EYS: variants seen among roughly 807,000 people sequenced by gnomAD.
The protein encoded by EYS is EGF-like photoreceptor maintenance factor, also known as protein eyes shut homolog.
Under a neutral mutation model 282.1 loss-of-function variants are expected in EYS, and 250 were observed. The ratio of observed to expected loss-of-function variants is 0.89; its 90% CI spans 0.80 to 0.98. The LOEUF (loss-of-function observed/expected upper bound fraction) is 0.98, where lower values mean the gene tolerates loss of function less well. Ranked by LOEUF, EYS falls within the 50% of genes least tolerant of loss-of-function variation. EYS has a pLI of 0.00. For missense variants in EYS, 4,016 were observed against 3,709.0 expected (o/e 1.08, Z -2.15); for synonymous variants, 1,355 against 1,282.9 (o/e 1.06, Z -1.20).
rs150538639 is a variant in EYS at position 65,599,045 on chromosome 6, G to A, written c.-333+40733C>T. 6.7e-3 allele frequency among the ~76,000 whole-genome samples: 1,025 copies of A among 151,956 alleles called. 9 individuals are homozygous for A. Among genetic ancestry groups the A allele is most frequent in the African/African-American group, 0.022 (925 of 41,462 alleles). ...CAGGGGATTGGGTTCAGGACTGCCC[G>A]CATATACCAAAATCCATGCATACTC... On this transcript the variant is annotated intron_variant, in intron 2 of 42. Coordinates refer to ENST00000503581, the MANE Select transcript of EYS (RefSeq NM_001142800.2).
intron 26 of EYS, among the ~76,000 whole-genome samples, chr6:64,561,097 T>A (rs957912721): frequency 2.0e-5 from 3 of 152,098 alleles, no homozygotes. Context: ...AACCACACGA[T>A]TATCTTAACA....
intron 31 of EYS, among the ~76,000 whole-genome samples, chr6:64,127,952 A>T (rs1360509671): frequency 6.6e-6 from 1 of 152,152 alleles, no homozygotes; most frequent in Non-Finnish European, 1.5e-5. Context: ...AGGGATATTA[A>T]ATATAACACC....
intron 29 of EYS, among the ~76,000 whole-genome samples, chr6:64,380,291 A>G (rs1253484154): frequency 2.6e-5 from 4 of 152,186 alleles, no homozygotes; most frequent in South Asian, 4.1e-4. Flanking sequence ...TGGGATTTCA[A>G]TAATCACCTC....
intron 28 of EYS, among the ~76,000 whole-genome samples, chr6:64,420,197 C>T (rs1354118158): frequency 6.6e-6 from 1 of 151,994 alleles, no homozygotes; most frequent in Non-Finnish European, 1.5e-5. Flanking sequence ...CTTACACCCT[C>T]TGAAGCCACA....
In EYS at chr6:64,637,156, C is replaced by T. The variant is rs528316831; in HGVS notation, c.3444-10911G>A. 1.6e-4 allele frequency among the ~76,000 whole-genome samples: 15 copies of T among 94,944 alleles called. 3 individuals carry two copies. The highest frequency in any genetic ancestry group is 4.3e-4 in the South Asian group (1 of 2,322). The allele number at this position is 94,944 out of a possible 152,430, so 62.3% of individuals were successfully genotyped here. On this transcript the variant is annotated intron_variant, in intron 22 of 42. Transcript: ENST00000503581. ...GACACATGCACACGTATGTTTATTG[C>T]GGCACTATTCACAATAGCAAAGACT...
chr6:64,038,511 T>A (rs906246965), intron 33 of EYS, among the ~76,000 whole-genome samples: 2 of 152,218 alleles, frequency 1.3e-5, no homozygotes, highest in South Asian at 4.1e-4. Context: ...TTTGTCACTT[T>A]TAATATCCAC....
intron 31 of EYS, among the ~76,000 whole-genome samples, chr6:64,133,731 A>G (rs1562218104): frequency 6.6e-6 from 1 of 152,034 alleles, no homozygotes; most frequent in Non-Finnish European, 1.5e-5. Flanking sequence ...CATTTCTCCT[A>G]GAGCTTTCCT....
chr6:65,692,079 T>C (rs1769263414), intron 1 of EYS, among the ~76,000 whole-genome samples: 1 of 150,338 alleles, frequency 6.7e-6, no homozygotes, highest in African/African-American at 2.4e-5. Context: ...ACACAGACCA[T>C]GCAATACTAC....
At chr6:64,795,756 C>T (rs1312729295) in intron 22 of EYS, among the ~76,000 whole-genome samples, 3 of 152,130 alleles carry the variant, frequency 2.0e-5, no homozygotes, top group Non-Finnish European at 4.4e-5. Flanking sequence ...ATTTTAGTAT[C>T]CCCTAATGAG....
intron 5 of EYS, among the ~76,000 whole-genome samples, chr6:65,437,107 GTTTCTC>G (rs1156811788): frequency 1.8e-4 from 27 of 152,200 alleles, no homozygotes; most frequent in African/African-American, 6.3e-4. Context: ...AATTTATTAT[GTTTCTC>G]TTTTTCTTTA....
rs77053128 is a variant in EYS at position 64,110,370 on chromosome 6, C to T, written c.6425-28368G>A. Reference sequence around the variant, plus strand: ...GACCTTTAATGATACTCAGATTTCTCGCATTAGGCACTGAGGGGATGGATA... The same window carrying T: ...GACCTTTAATGATACTCAGATTTCTTGCATTAGGCACTGAGGGGATGGATA... On this transcript the variant is annotated intron_variant, in intron 31 of 42. Coordinates refer to ENST00000503581, the MANE Select transcript of EYS (RefSeq NM_001142800.2). 5.9e-4 allele frequency among the ~76,000 whole-genome samples: 89 copies of T among 151,984 alleles called. 1 individual carries two copies. In the East Asian group the frequency reaches 0.016, roughly 27 times the overall value.
At chr6:64,460,279 A>G (rs908587300) in intron 26 of EYS, among the ~76,000 whole-genome samples, 69 of 152,328 alleles carry the variant, frequency 4.5e-4, no homozygotes, top group African/African-American at 1.5e-3. Context: ...TTATGCTATA[A>G]TGATTATCCA....
chr6:63,933,213 A>T (rs1257511276), intron 35 of EYS, among the ~76,000 whole-genome samples: 2 of 151,962 alleles, frequency 1.3e-5, no homozygotes, highest in African/African-American at 4.8e-5. Context: ...GGTTTTTTTT[A>T]AACATTTATT....
intron 15 of EYS, among the ~76,000 whole-genome samples, chr6:64,939,574 G>A (rs1434440212): frequency 6.6e-6 from 1 of 151,694 alleles, no homozygotes; most frequent in Non-Finnish European, 1.5e-5. Flanking sequence ...TACCATGTTG[G>A]ACAATAAATT....
intron 5 of EYS, among the ~76,000 whole-genome samples, chr6:65,481,959 A>C (rs113670885): frequency 0.014 from 2,082 of 152,258 alleles, 63 homozygotes; most frequent in African/African-American, 0.047. Context: ...CAATGGAAGA[A>C]ATTAATTGGA....
In EYS at chr6:64,757,744, TTGTGTGTGTGTG is replaced by T. The variant is rs66825340; in HGVS notation, c.3443+55622_3443+55633del. On this transcript the variant is annotated intron_variant, in intron 22 of 42. Coordinates refer to ENST00000503581, the MANE Select transcript of EYS (RefSeq NM_001142800.2). ...AGATTAATTTTTTTTCTTTTTTTCT[TTGTGTGTGTGTG>T]TGTGTGTGTGTGTGTGTGTGTGTGT... Among the ~76,000 whole-genome samples the T allele has an allele frequency of 1.7e-3, 238 of 139,906 alleles. 3 individuals are homozygous for T. The highest frequency in any genetic ancestry group is 8.5e-3 in the Admixed American group (119 of 13,934). 91.8% of individuals were successfully genotyped at this position (139,906 alleles called of 152,430 possible).
chr6:65,120,346 C>T lies in EYS; in HGVS notation c.2024-62619G>A, dbSNP rs138306097. Among the ~76,000 whole-genome samples the T allele has an allele frequency of 5.2e-4, 79 of 150,810 alleles. 1 individual carries two copies. The highest frequency in any genetic ancestry group is 1.8e-3 in the African/African-American group (75 of 41,048). On this transcript the variant is annotated intron_variant, in intron 12 of 42. Transcript: ENST00000503581. ...AAAATAGTTTTCTTCAGAAAACAAGCTTCCTCTGCGGCCTTCTTAAGGCTC... is the reference window on the plus strand; with the variant it reads ...AAAATAGTTTTCTTCAGAAAACAAGTTTCCTCTGCGGCCTTCTTAAGGCTC...
At chr6:65,662,840 T>C (rs994812123) in intron 1 of EYS, among the ~76,000 whole-genome samples, 2 of 152,138 alleles carry the variant, frequency 1.3e-5, no homozygotes, top group African/African-American at 4.8e-5. Context: ...TTAGTCAAGG[T>C]TGTTATAAAA....
intron 29 of EYS, among the ~76,000 whole-genome samples, chr6:64,352,207 A>G (rs995998061): frequency 2.0e-5 from 3 of 151,614 alleles, no homozygotes; most frequent in Admixed American, 6.6e-5. Context: ...AATTAAAAAA[A>G]TAAAATAAAA....
Sources: gnomAD v4.1 joint callset for allele counts (sites outside exome capture counted in the v4.1 genomes callset) on GRCh38, gnomAD v4.1.1 for gene constraint, MANE v1.5 for transcripts, NCBI Gene and HGNC (gene_info 2026-07-23, HGNC 2026-07-21) for gene names.